PRKD1: variants seen among roughly 807,000 people sequenced by gnomAD.
The protein encoded by PRKD1 is protein kinase D1.
Under a neutral mutation model 95.9 loss-of-function variants are expected in PRKD1, and 63 were observed. The observed-to-expected ratio is 0.66, with a 90% confidence interval of 0.54 to 0.81. The LOEUF (loss-of-function observed/expected upper bound fraction) is 0.81, where lower values mean the gene tolerates loss of function less well. Among genes scored for constraint, PRKD1 ranks in the 30% least tolerant of loss-of-function variants. The probability of loss-of-function intolerance (pLI) is 0.00; values close to 1 mark genes in which losing one functional copy is unlikely to be tolerated. For synonymous variants in PRKD1, 425 were observed against 423.1 expected (o/e 1.00, Z -0.05); for missense variants, 1,048 against 1,165.3 (o/e 0.90, Z 1.47).
chr14:29,846,886 G>A (rs1566633772), intron 1 of PRKD1, among the ~76,000 whole-genome samples: 2 of 152,150 alleles, frequency 1.3e-5, no homozygotes, highest in African/African-American at 2.4e-5. Flanking sequence ...GTGAAAGAGA[G>A]AAGTCAAGCA....
At chr14:29,693,515 G>C (rs1350856731) in intron 2 of PRKD1, among the ~76,000 whole-genome samples, 1 of 151,632 alleles carries the variant, frequency 6.6e-6, no homozygotes, top group African/African-American at 2.4e-5. Flanking sequence ...TGGAAAGTTT[G>C]AATGACCTTG....
intron 2 of PRKD1, among the ~76,000 whole-genome samples, chr14:29,678,859 C>T (rs1006109610): frequency 2.0e-5 from 3 of 152,110 alleles, no homozygotes; most frequent in Non-Finnish European, 4.4e-5. Context: ...TTTAACATGA[C>T]AATCCTAATT....
intron 16 of PRKD1, among the ~76,000 whole-genome samples, chr14:29,588,092 T>C (rs924662837): frequency 6.6e-6 from 1 of 152,352 alleles, no homozygotes; most frequent in South Asian, 2.1e-4. Flanking sequence ...GCAAGGCTCA[T>C]AAACTGTTAC....
In PRKD1 at chr14:29,623,400, A is replaced by G. The variant is rs907831609; in HGVS notation, c.1905+752T>C. ...GAAATGTTCCGTTTTGCGAAAAAAA[A>G]TTGTCCGTTAAAACTGGGAATTAAA... On this transcript the variant is annotated intron_variant, in intron 13 of 17. Coordinates refer to ENST00000331968, the MANE Select transcript of PRKD1 (RefSeq NM_002742.3). Among the ~76,000 whole-genome samples, 7 of 152,210 alleles carry G rather than the reference A, an allele frequency of 4.6e-5. No individual in the cohort carries two copies. In the East Asian group the frequency reaches 1.3e-3, roughly 29 times the overall value.
intron 3 of PRKD1, among the ~76,000 whole-genome samples, chr14:29,665,187 G>T (rs2139216100): frequency 6.6e-6 from 1 of 152,254 alleles, no homozygotes; most frequent in East Asian, 1.9e-4. Context: ...ATTGTAGAGG[G>T]CACAACATAA....
intron 2 of PRKD1, among the ~76,000 whole-genome samples, chr14:29,693,457 A>C (rs577940897): frequency 6.6e-6 from 1 of 152,166 alleles, no homozygotes; most frequent in South Asian, 2.1e-4. Context: ...AATCAATGCA[A>C]AAAAATAGCA....
intron 1 of PRKD1, among the ~76,000 whole-genome samples, chr14:29,842,368 C>T (rs933403926): frequency 6.6e-6 from 1 of 152,198 alleles, no homozygotes; most frequent in Admixed American, 6.5e-5. Flanking sequence ...CTTGTTGACA[C>T]CAGCATCACC....
intron 2 of PRKD1, among the ~76,000 whole-genome samples, chr14:29,710,639 G>A (rs375185338): frequency 3.9e-5 from 6 of 151,966 alleles, no homozygotes; most frequent in Non-Finnish European, 5.9e-5. Context: ...ATTGAGTCCC[G>A]AGCAGAAACA....
chr14:29,705,394 C>A (rs1885031847), intron 2 of PRKD1, among the ~76,000 whole-genome samples: 1 of 151,686 alleles, frequency 6.6e-6, no homozygotes, highest in Admixed American at 6.6e-5. Context: ...TACTTTTGCA[C>A]CAACCTAACC....
At chr14:29,744,671 C>A (rs897093554) in intron 1 of PRKD1, among the ~76,000 whole-genome samples, 3 of 152,098 alleles carry the variant, frequency 2.0e-5, no homozygotes, top group Non-Finnish European at 4.4e-5. Context: ...TTCAGCCTCC[C>A]GAGTAGTTGG....
At chr14:29,837,560 A>C (rs1887574335) in intron 1 of PRKD1, among the ~76,000 whole-genome samples, 1 of 152,206 alleles carries the variant, frequency 6.6e-6, no homozygotes, top group Admixed American at 6.5e-5. Flanking sequence ...GATGAAATGG[A>C]GTAGCATTAA....
chr14:29,654,093 TA>T (rs202171238), intron 4 of PRKD1, among the ~76,000 whole-genome samples: 1 of 151,646 alleles, frequency 6.6e-6, no homozygotes, highest in Non-Finnish European at 1.5e-5. Flanking sequence ...TTTTTTTTTT[TA>T]AAAAAGCAGT....
At chr14:29,656,618 T>C (rs1881856624) in intron 4 of PRKD1, 4 of 1,185,658 alleles carry the variant, frequency 3.4e-6, no homozygotes, top group South Asian at 2.7e-5. Flanking sequence ...ATGTTTCATA[T>C]AGGCATGCTT....
chr14:29,775,519 G>A lies in PRKD1; in HGVS notation c.265-49845C>T, dbSNP rs141629074. On this transcript the variant is annotated intron_variant, in intron 1 of 17. Transcript: ENST00000331968. ...ATTATATCCCACGCCTGGCTCGAGG[G>A]TCCCCCACCCACGGACCCTCGCTCA... Among the ~76,000 whole-genome samples, 720 of 152,246 alleles carry A rather than the reference G, an allele frequency of 4.7e-3. 7 individuals are homozygous for A. The highest frequency in any genetic ancestry group is 0.016 in the African/African-American group (655 of 41,564).
chr14:29,620,339 C>T (rs1449055660), intron 13 of PRKD1, among the ~76,000 whole-genome samples: 1 of 151,130 alleles, frequency 6.6e-6, no homozygotes, highest in Non-Finnish European at 1.5e-5. Context: ...TATAATTAAA[C>T]TCAAGAGCTT....
chr14:29,603,850 C>T (rs2181179), intron 13 of PRKD1, among the ~76,000 whole-genome samples: 70,029 of 151,936 alleles, frequency 0.46, 17,237 homozygotes, highest in African/African-American at 0.64. Flanking sequence ...GGCCATCTGT[C>T]TGTTGCATTT....
At chr14:29,690,456 C>G (rs1019402986) in intron 2 of PRKD1, among the ~76,000 whole-genome samples, 2 of 152,182 alleles carry the variant, frequency 1.3e-5, no homozygotes, top group Admixed American at 1.3e-4. Context: ...TTCCACTTTT[C>G]TGTCTCCAAA....
At chr14:29,739,311 T>C (rs184070813) in intron 1 of PRKD1, among the ~76,000 whole-genome samples, 2 of 152,324 alleles carry the variant, frequency 1.3e-5, no homozygotes, top group East Asian at 3.9e-4. Flanking sequence ...TCCACTCTGT[T>C]TTTCTAAAGG....
intron 16 of PRKD1, among the ~76,000 whole-genome samples, chr14:29,590,272 T>G (rs747448947): frequency 3.3e-5 from 5 of 152,224 alleles, no homozygotes; most frequent in Non-Finnish European, 5.9e-5. Context: ...TCTTATTGTT[T>G]TCCTCCTTCT....
Sources: allele counts gnomAD v4.1 joint callset (sites outside exome capture counted in the v4.1 genomes callset), GRCh38; gene constraint gnomAD v4.1.1; transcripts MANE v1.5; gene names NCBI Gene and HGNC (gene_info 2026-07-23, HGNC 2026-07-21).